NRXN3: variants seen among roughly 807,000 people sequenced by gnomAD.
NRXN3 encodes the protein neurexin III.
A neutral mutation model predicts 137.6 loss-of-function variants in NRXN3; 32 were observed. The observed-to-expected ratio is 0.23, with a 90% CI of 0.18 to 0.31. The LOEUF (loss-of-function observed/expected upper bound fraction) is 0.31. Ranked by LOEUF, NRXN3 falls within the 10% of genes least tolerant of loss-of-function variation. The pLI, the probability that NRXN3 is intolerant of heterozygous loss-of-function variation, is 1.00. For missense variants in NRXN3, 1,574 were observed against 2,062.5 expected (o/e 0.76, Z 4.59); for synonymous variants, 798 against 784.5 (o/e 1.02, Z -0.29).
chr14:78,397,911 G>A (rs2091648322), intron 4 of NRXN3, among the ~76,000 whole-genome samples: 1 of 150,906 alleles, frequency 6.6e-6, no homozygotes, highest in African/African-American at 2.4e-5. Flanking sequence ...GGCCTGAAGT[G>A]CTTTTAAAAT....
intron 15 of NRXN3, among the ~76,000 whole-genome samples, chr14:79,136,106 A>G (rs1204087041): frequency 6.6e-6 from 1 of 152,188 alleles, no homozygotes; most frequent in African/African-American, 2.4e-5. Flanking sequence ...TTCCAAGCCA[A>G]TGGGCTGGGT....
chr14:79,094,979 A>AGAGAGAGAGAGT (rs553957969), intron 15 of NRXN3, among the ~76,000 whole-genome samples: 1 of 115,880 alleles, frequency 8.6e-6, no homozygotes, highest in Non-Finnish European at 1.8e-5. Context: ...AGAGAGAGAG[A>AGAGAGAGAGAGT]GTGTGTGTGT....
chr14:79,853,772 A>C, intron 20 of NRXN3: 1 of 1,027,546 alleles, frequency 9.7e-7, no homozygotes, highest in Non-Finnish European at 1.2e-6. Context: ...TCAAAAAGAC[A>C]AAAAAATATA....
chr14:79,853,069 G>A (rs1045985770), intron 20 of NRXN3, among the ~76,000 whole-genome samples: 12 of 151,998 alleles, frequency 7.9e-5, no homozygotes, highest in East Asian at 7.7e-4. Flanking sequence ...TGCCAATTGC[G>A]TGCAACATGG....
intron 10 of NRXN3, among the ~76,000 whole-genome samples, chr14:78,876,082 TA>T (rs1567584378): frequency 6.6e-6 from 1 of 152,206 alleles, no homozygotes; most frequent in Non-Finnish European, 1.5e-5. Flanking sequence ...TTTAAGAGAA[TA>T]ATGAGTTATT....
At chr14:78,309,684 A>C (rs1359709039) in intron 4 of NRXN3, among the ~76,000 whole-genome samples, 1 of 152,186 alleles carries the variant, frequency 6.6e-6, no homozygotes, top group Non-Finnish European at 1.5e-5. Context: ...TACATTTCAA[A>C]GTTACCAAAA....
chr14:79,572,163 T>C (rs1001141552), intron 16 of NRXN3, among the ~76,000 whole-genome samples: 3 of 152,094 alleles, frequency 2.0e-5, no homozygotes, highest in African/African-American at 7.2e-5. Context: ...TTTTGTTTCA[T>C]TACCCACACT....
At chr14:78,830,086 T>TA (rs965059897) in intron 10 of NRXN3, among the ~76,000 whole-genome samples, 34 of 152,130 alleles carry the variant, frequency 2.2e-4, no homozygotes, top group African/African-American at 7.0e-4. Flanking sequence ...ATGGATTTTT[T>TA]AAAAAATAAA....
At chr14:79,020,608 G>A (rs1348276932) in intron 15 of NRXN3, among the ~76,000 whole-genome samples, 2 of 151,834 alleles carry the variant, frequency 1.3e-5, no homozygotes, top group Non-Finnish European at 2.9e-5. Context: ...GTTTGCAGCT[G>A]AGACTGCGGG....
chr14:79,282,013 T>C (rs562227025), intron 15 of NRXN3: 3 of 151,504 alleles, frequency 2.0e-5, no homozygotes, highest in Admixed American at 6.5e-5. Context: ...GCTTGTAAGG[T>C]TGGTGGAGGG....
chr14:78,932,489 G>A (rs374058918), intron 10 of NRXN3, among the ~76,000 whole-genome samples: 1 of 152,264 alleles, frequency 6.6e-6, no homozygotes, highest in East Asian at 1.9e-4. Flanking sequence ...TAGTGGATAT[G>A]GGATCAGAGT....
intron 10 of NRXN3, among the ~76,000 whole-genome samples, chr14:78,878,227 A>C (rs2099118493): frequency 6.6e-6 from 1 of 152,196 alleles, no homozygotes; most frequent in African/African-American, 2.4e-5. Context: ...ACAAAAGTAC[A>C]CTGATCTACT....
chr14:78,968,096 C>G, intron 13 of NRXN3, 77 bp from the exon 14 acceptor site: 1 of 331,984 alleles, frequency 3.0e-6, no homozygotes. Context: ...GATGAATTAT[C>G]TCAAGTGTAT....
intron 15 of NRXN3, chr14:79,074,461 G>A (rs2045642989): frequency 6.6e-6 from 1 of 152,194 alleles, no homozygotes. Flanking sequence ...GTCATCATGA[G>A]TACTAAGACC....
At chr14:79,076,245 G>T (rs1256075161) in intron 15 of NRXN3, among the ~76,000 whole-genome samples, 1 of 152,130 alleles carries the variant, frequency 6.6e-6, no homozygotes, top group Non-Finnish European at 1.5e-5. Flanking sequence ...AGGAGGAAAT[G>T]GTGTTATATT....
At chr14:78,649,145 G>A in intron 5 of NRXN3, 1 of 548,422 alleles carries the variant, frequency 1.8e-6, no homozygotes, top group Non-Finnish European at 3.1e-6. Context: ...CATGCAATGT[G>A]TCATTTTACT....
At chr14:79,480,275 C>T (rs183875644) in intron 16 of NRXN3, among the ~76,000 whole-genome samples, 146 of 152,266 alleles carry the variant, frequency 9.6e-4, no homozygotes, top group Non-Finnish European at 1.7e-3. Flanking sequence ...CTAAGGTTAA[C>T]AGGTTTTCAT....
chr14:79,303,523 C>T (rs1044282083), intron 15 of NRXN3, among the ~76,000 whole-genome samples: 3 of 152,032 alleles, frequency 2.0e-5, no homozygotes, highest in Non-Finnish European at 4.4e-5. Context: ...CACAACACTG[C>T]ACATCCCTTG....
chr14:78,794,649 A>G (rs2098815761), intron 8 of NRXN3, among the ~76,000 whole-genome samples: 1 of 151,744 alleles, frequency 6.6e-6, no homozygotes, highest in Non-Finnish European at 1.5e-5. Flanking sequence ...TAATATATAT[A>G]TGCTTAGAAA....
Sources: gnomAD v4.1 joint callset for allele counts (sites outside exome capture counted in the v4.1 genomes callset) on GRCh38, gnomAD v4.1.1 for gene constraint, MANE v1.5 for transcripts, NCBI Gene and HGNC (gene_info 2026-07-23, HGNC 2026-07-21) for gene names.